SEMA3A: variants seen among roughly 807,000 people sequenced by gnomAD.
The protein encoded by SEMA3A is semaphorin 3A.
In SEMA3A, 29 loss-of-function variants were observed where a neutral mutation model predicts 97.9. That is an observed-to-expected ratio of 0.30 (90% CI 0.22 to 0.40). The LOEUF (loss-of-function observed/expected upper bound fraction) is 0.40. SEMA3A is among the 10% of genes least tolerant of loss of function. The probability of loss-of-function intolerance (pLI) is 1.00; values close to 1 mark genes in which losing one functional copy is unlikely to be tolerated. For synonymous variants in SEMA3A, 321 were observed against 323.7 expected (o/e 0.99, Z 0.09); for missense variants, 763 against 951.3 (o/e 0.80, Z 2.60).
chr7:83,980,596 T>G lies in SEMA3A; in HGVS notation c.1652+725A>C, dbSNP rs532039416. Among the ~76,000 whole-genome samples the G allele has an allele frequency of 6.2e-4, 37 of 59,480 alleles. 1 individual carries two copies. The highest frequency in any genetic ancestry group is 2.4e-3 in the African/African-American group (30 of 12,544). 39.0% of individuals were successfully genotyped at this position (59,480 alleles called of 152,430 possible). On this transcript the variant is annotated intron_variant, in intron 14 of 16. Transcript: ENST00000265362. ...CTCCAGCCTGGTGACAGAGTGAGAC[T>G]CCATCTCAAAAAAAAAAAAAAAAAA...
chr7:84,454,513 A>G (rs2527534), intron 1 of SEMA3A, among the ~76,000 whole-genome samples: 1 of 152,158 alleles, frequency 6.6e-6, no homozygotes, highest in African/African-American at 2.4e-5. Flanking sequence ...TGTTACTAAA[A>G]CAGTAACTTT....
chr7:84,127,174 T>C (rs1446793104), intron 3 of SEMA3A, among the ~76,000 whole-genome samples: 1 of 151,996 alleles, frequency 6.6e-6, no homozygotes. Flanking sequence ...CCGATTTCCA[T>C]GTTCATCTCC....
At chr7:83,986,769 A>C (rs893173079) in intron 12 of SEMA3A, among the ~76,000 whole-genome samples, 10 of 152,134 alleles carry the variant, frequency 6.6e-5, no homozygotes, top group Non-Finnish European at 1.0e-4. Flanking sequence ...TTGTGATTCA[A>C]ATCTGGCCAG....
intron 4 of SEMA3A, among the ~76,000 whole-genome samples, chr7:84,085,431 T>G (rs541367777): frequency 6.6e-6 from 1 of 150,960 alleles, no homozygotes; most frequent in East Asian, 2.0e-4. Context: ...GTGGGCTGGA[T>G]GAGGGCAATG....
chr7:84,322,512 A>G (rs992368366), intron 2 of SEMA3A, among the ~76,000 whole-genome samples: 2 of 152,014 alleles, frequency 1.3e-5, no homozygotes, highest in Non-Finnish European at 2.9e-5. Flanking sequence ...GTTCTCTGGT[A>G]GTAGTGAATA....
intron 3 of SEMA3A, among the ~76,000 whole-genome samples, chr7:84,225,744 T>A (rs1050006220): frequency 6.6e-6 from 1 of 152,048 alleles, no homozygotes; most frequent in Non-Finnish European, 1.5e-5. Context: ...TGGAGAAGCA[T>A]GCAAGAAAGG....
intron 1 of SEMA3A, among the ~76,000 whole-genome samples, chr7:84,142,905 G>A (rs1182464887): frequency 6.6e-6 from 1 of 152,026 alleles, no homozygotes; most frequent in East Asian, 1.9e-4. Context: ...CATTACTGAC[G>A]TCATCAACTT....
At chr7:84,417,357 T>C (rs1182025914) in intron 1 of SEMA3A, among the ~76,000 whole-genome samples, 1 of 152,084 alleles carries the variant, frequency 6.6e-6, no homozygotes, top group Non-Finnish European at 1.5e-5. Flanking sequence ...ATTAATTTGA[T>C]TGATGAATAG....
intron 4 of SEMA3A, among the ~76,000 whole-genome samples, chr7:84,107,758 C>A (rs1242037124): frequency 6.6e-6 from 1 of 152,138 alleles, no homozygotes; most frequent in Non-Finnish European, 1.5e-5. Context: ...CTATTAAAAT[C>A]TCAACTTCAA....
intron 14 of SEMA3A, among the ~76,000 whole-genome samples, chr7:83,980,491 G>C (rs991556020): frequency 1.3e-5 from 2 of 150,326 alleles, no homozygotes; most frequent in Admixed American, 1.3e-4. Context: ...TGTAGTCCCA[G>C]CTACTCGGGA....
At chr7:84,361,188 T>C (rs2116064332) in intron 2 of SEMA3A, among the ~76,000 whole-genome samples, 1 of 152,214 alleles carries the variant, frequency 6.6e-6, no homozygotes, top group African/African-American at 2.4e-5. Flanking sequence ...GAACAATGGC[T>C]GAGTTTCACT....
chr7:84,477,510 TTAAA>T (rs1806324455), intron 1 of SEMA3A, among the ~76,000 whole-genome samples: 1 of 151,932 alleles, frequency 6.6e-6, no homozygotes, highest in African/African-American at 2.4e-5. Context: ...GCAATGTTGT[TTAAA>T]TAAATAAAAT....
chr7:84,447,594 C>T (rs1805451081), intron 1 of SEMA3A, among the ~76,000 whole-genome samples: 1 of 152,258 alleles, frequency 6.6e-6, no homozygotes, highest in Non-Finnish European at 1.5e-5. Context: ...GTTTCCTGGA[C>T]TCATTGGAAT....
chr7:84,386,717 CTT>C (rs1562928636), intron 1 of SEMA3A, among the ~76,000 whole-genome samples: 1 of 152,024 alleles, frequency 6.6e-6, no homozygotes, highest in East Asian at 1.9e-4. Context: ...AGTGCAGGTT[CTT>C]TTATAAAGTC....
At chr7:84,468,451 G>C (rs191998061) in intron 1 of SEMA3A, among the ~76,000 whole-genome samples, 15 of 152,192 alleles carry the variant, frequency 9.9e-5, no homozygotes, top group Admixed American at 9.2e-4. Flanking sequence ...AAAGCACTTT[G>C]TGAGGTTTTT....
intron 4 of SEMA3A, among the ~76,000 whole-genome samples, chr7:84,097,655 G>C (rs892322971): frequency 1.3e-5 from 2 of 152,118 alleles, no homozygotes; most frequent in South Asian, 4.1e-4. Context: ...AATGGATATG[G>C]TTTGATTTCT....
At chr7:84,020,163 A>G (rs1791275252) in intron 6 of SEMA3A, among the ~76,000 whole-genome samples, 1 of 143,224 alleles carries the variant, frequency 7.0e-6, no homozygotes, top group Non-Finnish European at 1.5e-5. Flanking sequence ...TTCCTGCCTC[A>G]GCCTCCCAAG....
intron 3 of SEMA3A, among the ~76,000 whole-genome samples, chr7:84,118,523 C>T (rs751714596): frequency 2.6e-5 from 4 of 152,130 alleles, no homozygotes; most frequent in Non-Finnish European, 4.4e-5. Context: ...ACGTTGTTAG[C>T]GTGGGGCAGT....
intron 2 of SEMA3A, among the ~76,000 whole-genome samples, chr7:84,341,465 G>A (rs1350879226): frequency 2.0e-5 from 3 of 151,722 alleles, no homozygotes; most frequent in African/African-American, 7.3e-5. Context: ...TAAATCACAA[G>A]CAAGTTGTCA....
Sources: allele counts gnomAD v4.1 joint callset (sites outside exome capture counted in the v4.1 genomes callset), GRCh38; gene constraint gnomAD v4.1.1; transcripts MANE v1.5; gene names NCBI Gene and HGNC (gene_info 2026-07-23, HGNC 2026-07-21).